Variants in RPS6KC1 observed in about 807,000 individuals in gnomAD.
RPS6KC1 encodes inactive ribosomal protein S6 kinase delta-1.
In RPS6KC1, 54 loss-of-function variants were observed where a neutral mutation model predicts 103.8. That is an observed-to-expected ratio of 0.52 (90% CI 0.42 to 0.65). The LOEUF is 0.65. Among genes scored for constraint, RPS6KC1 ranks in the 30% least tolerant of loss-of-function variants. RPS6KC1 has a pLI of 0.00. For missense variants in RPS6KC1, 1,151 were observed against 1,253.8 expected (o/e 0.92, Z 1.24); for synonymous variants, 439 against 438.7 (o/e 1.00, Z -0.01).
the RPS6KC1 span, among the ~76,000 whole-genome samples, chr1:213,596,522 T>C: frequency 6.6e-6 from 1 of 152,242 alleles, no homozygotes; most frequent in Non-Finnish European, 1.5e-5. Context: ...AAGGGTCAGC[T>C]TTTCACTATC....
the RPS6KC1 span, among the ~76,000 whole-genome samples, chr1:213,687,979 A>T: frequency 6.6e-6 from 1 of 152,304 alleles, no homozygotes; most frequent in South Asian, 2.1e-4. Context: ...GAAGATGCTG[A>T]GTAAGCGTGG....
At chr1:213,619,267 G>A in the RPS6KC1 span, among the ~76,000 whole-genome samples, 1 of 152,116 alleles carries the variant, frequency 6.6e-6, no homozygotes, top group Non-Finnish European at 1.5e-5. Flanking sequence ...AACATTCCAA[G>A]GACAGATAAA....
Position 213,176,498 on chromosome 1 carries a change from T to C in RPS6KC1, c.1044+6T>C. On this transcript the variant is annotated splice_donor_region_variant and intron_variant, in intron 8 of 14. Coordinates refer to ENST00000366960, the MANE Select transcript of RPS6KC1 (RefSeq NM_012424.6). ...TCCTTGGGGTGATTGACAAGGTAATTCTTCAGTGTCTCTTCAAGAGTTCAG... is the reference window on the plus strand; with the variant it reads ...TCCTTGGGGTGATTGACAAGGTAATCCTTCAGTGTCTCTTCAAGAGTTCAG... 1 of 1,566,070 alleles carries C rather than the reference T, an allele frequency of 6.4e-7. No individual in the cohort carries two copies. The highest frequency in any genetic ancestry group is 8.8e-7 in the Non-Finnish European group (1 of 1,140,732).
rs560099268 is a variant in RPS6KC1, at chr1:213,103,231, C to CATTT, written c.263-1210_263-1207dup. Among the ~76,000 whole-genome samples the CATTT allele has an allele frequency of 3.8e-4, 58 of 150,904 alleles. 1 individual carries two copies. The highest frequency in any genetic ancestry group is 2.0e-4 in the Admixed American group (3 of 15,136). On this transcript the variant is annotated intron_variant, in intron 3 of 14. Transcript: ENST00000366960. The stretch of plus-strand genomic sequence containing the variant: ...TCTGTGATAATGTTTCATTGTAAGA[C>CATTT]ATTTATTTATTTATTTTGACATGGC...
chr1:213,066,638 G>A (rs1339775061), intron 1 of RPS6KC1, among the ~76,000 whole-genome samples: 1 of 152,198 alleles, frequency 6.6e-6, no homozygotes, highest in Non-Finnish European at 1.5e-5. Context: ...AAGGAAGCCG[G>A]CTTTAATCAG....
At chr1:213,763,740 C>A in the RPS6KC1 span, among the ~76,000 whole-genome samples, 1 of 152,210 alleles carries the variant, frequency 6.6e-6, no homozygotes, top group South Asian at 2.1e-4. Flanking sequence ...CAATGATTTT[C>A]TTCCATAGAA....
chr1:213,394,753 C>T, the RPS6KC1 span, among the ~76,000 whole-genome samples: 1 of 152,216 alleles, frequency 6.6e-6, no homozygotes, highest in Non-Finnish European at 1.5e-5. Context: ...AAATTCTCCT[C>T]TGTGGATATG....
At chr1:213,548,636 G>A in the RPS6KC1 span, among the ~76,000 whole-genome samples, 4 of 152,074 alleles carry the variant, frequency 2.6e-5, no homozygotes, top group African/African-American at 4.8e-5. Context: ...ACTCCAGCCT[G>A]GCAACAGAGC....
At chr1:213,716,640 A>G in the RPS6KC1 span, among the ~76,000 whole-genome samples, 1 of 152,242 alleles carries the variant, frequency 6.6e-6, no homozygotes, top group African/African-American at 2.4e-5. Context: ...TCTACAGCTC[A>G]TAATTTGTAC....
At chr1:213,470,611 ATTTT>A in the RPS6KC1 span, among the ~76,000 whole-genome samples, 19 of 99,776 alleles carry the variant, frequency 1.9e-4, no homozygotes, top group Admixed American at 5.3e-4. Context: ...TTTATTCTTA[ATTTT>A]TTTTTTTTTT....
chr1:213,216,024 G>A (rs368106350), intron 8 of RPS6KC1, among the ~76,000 whole-genome samples: 6 of 152,212 alleles, frequency 3.9e-5, no homozygotes, highest in South Asian at 2.1e-4. Flanking sequence ...ATTCACACAT[G>A]ACAATATTAA....
chr1:213,191,018 A>G (rs1212849711), intron 8 of RPS6KC1, among the ~76,000 whole-genome samples: 2 of 152,126 alleles, frequency 1.3e-5, no homozygotes, highest in Non-Finnish European at 2.9e-5. Context: ...GTCTGTGTTT[A>G]TGCCAGTACC....
chr1:213,797,946 C>T, the RPS6KC1 span, among the ~76,000 whole-genome samples: 22 of 152,182 alleles, frequency 1.4e-4, no homozygotes, highest in Non-Finnish European at 2.6e-4. Flanking sequence ...CTATTAGGCA[C>T]CTAGACCTCT....
At chr1:213,203,846 A>C (rs1009632348) in intron 8 of RPS6KC1, among the ~76,000 whole-genome samples, 6 of 152,236 alleles carry the variant, frequency 3.9e-5, no homozygotes, top group African/African-American at 1.4e-4. Context: ...ACATTAACAT[A>C]TAAATTATAA....
At chr1:213,631,140 C>T in the RPS6KC1 span, among the ~76,000 whole-genome samples, 2 of 152,118 alleles carry the variant, frequency 1.3e-5, no homozygotes, top group African/African-American at 2.4e-5. Flanking sequence ...AAGGGAATTC[C>T]CTGACCTCTT....
chr1:213,817,584 T>C, the RPS6KC1 span, among the ~76,000 whole-genome samples: 1 of 152,164 alleles, frequency 6.6e-6, no homozygotes, highest in South Asian at 2.1e-4. Flanking sequence ...GTGCAAAGCT[T>C]AACACACTCT....
chr1:213,181,053 A>G (rs1279518302), intron 8 of RPS6KC1, among the ~76,000 whole-genome samples: 2 of 152,018 alleles, frequency 1.3e-5, no homozygotes, highest in Non-Finnish European at 2.9e-5. Flanking sequence ...GGTACATGAG[A>G]CTCTTTGTAC....
chr1:213,839,682 A>G, the RPS6KC1 span: 1 of 152,022 alleles, frequency 6.6e-6, no homozygotes, highest in Non-Finnish European at 1.5e-5. Context: ...TCATTACCAT[A>G]CAGTATGGGC....
chr1:213,712,135 C>A, the RPS6KC1 span, among the ~76,000 whole-genome samples: 7 of 152,240 alleles, frequency 4.6e-5, no homozygotes, highest in East Asian at 1.3e-3. Context: ...CCCCCAGGTG[C>A]TTTGTCCCAG....
Sources: gnomAD v4.1 joint callset for allele counts (sites outside exome capture counted in the v4.1 genomes callset) on GRCh38, gnomAD v4.1.1 for gene constraint, MANE v1.5 for transcripts, NCBI Gene and HGNC (gene_info 2026-07-23, HGNC 2026-07-21) for gene names.